RPRD1A: variants seen among roughly 807,000 people sequenced by gnomAD.
The protein encoded by RPRD1A is regulation of nuclear pre-mRNA domain-containing protein 1A.
RPRD1A carries 9 observed loss-of-function variants against 37.8 expected under a neutral mutation model. The ratio of observed to expected loss-of-function variants is 0.24; its 90% CI spans 0.14 to 0.42. The LOEUF (loss-of-function observed/expected upper bound fraction) is 0.42, where lower values mean the gene tolerates loss of function less well. RPRD1A is among the 10% of genes least tolerant of loss of function. The probability of loss-of-function intolerance (pLI) is 1.00; values close to 1 mark genes in which losing one functional copy is unlikely to be tolerated. For missense variants in RPRD1A, 255 were observed against 371.0 expected (o/e 0.69, Z 2.57); for synonymous variants, 138 against 139.7 (o/e 0.99, Z 0.08).
intron 6 of RPRD1A, among the ~76,000 whole-genome samples, chr18:36,018,439 A>G (rs1001791004): frequency 2.0e-5 from 3 of 151,734 alleles, no homozygotes; most frequent in African/African-American, 4.8e-5. Flanking sequence ...ACGCCCAACT[A>G]ATTTTTTCTA....
At chr18:36,043,896 T>C (rs573740904) in intron 1 of RPRD1A, among the ~76,000 whole-genome samples, 1 of 152,302 alleles carries the variant, frequency 6.6e-6, no homozygotes, top group African/African-American at 2.4e-5. Context: ...AAAAAACCCA[T>C]GTATAACTTC....
chr18:36,042,689 G>C (rs866618840), intron 1 of RPRD1A, among the ~76,000 whole-genome samples: 26 of 152,040 alleles, frequency 1.7e-4, no homozygotes, highest in Non-Finnish European at 3.2e-4. Flanking sequence ...ATGTGCACAG[G>C]AAGTACAAAG....
chr18:36,053,865 C>A (rs1913572627), intron 1 of RPRD1A, among the ~76,000 whole-genome samples: 1 of 151,644 alleles, frequency 6.6e-6, no homozygotes, highest in Admixed American at 6.6e-5. Context: ...AAAACAACAA[C>A]AAAAAAAGCT....
chr18:36,029,752 C>T (rs1320132260), intron 4 of RPRD1A, among the ~76,000 whole-genome samples: 1 of 151,548 alleles, frequency 6.6e-6, no homozygotes, highest in East Asian at 1.9e-4. Context: ...CACAGAATTA[C>T]ATAGTTCTAT....
rs1470432897 is a variant in RPRD1A, at chr18:36,049,688, A to G, written c.152-15851T>C. ...AATGATTCTGCTGTATGTATACACT[A>G]CATTATGTTTATTCATTTATCTGTT... is the stretch of plus-strand genomic sequence containing the variant. On this transcript the variant is annotated intron_variant, in intron 1 of 6. Coordinates refer to ENST00000399022, the MANE Select transcript of RPRD1A (RefSeq NM_018170.5). Among the ~76,000 whole-genome samples the G allele has an allele frequency of 2.0e-5, 3 of 152,206 alleles. No individual in the cohort carries two copies. The East Asian group carries it at 5.8e-4, about 29-fold the overall frequency.
At chr18:36,050,560 A>T (rs1422454718) in intron 1 of RPRD1A, among the ~76,000 whole-genome samples, 1 of 152,218 alleles carries the variant, frequency 6.6e-6, no homozygotes, top group East Asian at 1.9e-4. Context: ...AAAACAACTC[A>T]ATTCAAAACA....
intron 4 of RPRD1A, among the ~76,000 whole-genome samples, chr18:36,030,047 C>G (rs931996733): frequency 6.6e-6 from 1 of 151,242 alleles, no homozygotes; most frequent in Admixed American, 6.6e-5. Flanking sequence ...ACCTCATGAT[C>G]CGACCACCTT....
At position 36,067,390 on chromosome 18, in the gene RPRD1A, A is replaced by G. The variant is rs779588997; in HGVS notation, c.15T>C (p.Ser5=). The change falls in exon 1 of 7, where the codon TCT becomes TCC. Residue 5 remains serine, a synonymous_variant. Transcript: ENST00000399022. The part of the protein sequence containing the change: MSAF[S]EAALEKKLSE... ...ACAGCTTCTTCTCCAGCGCCGCCTC[A>G]GAGAAGGCTGACATCCCTCCGACAC... is the stretch of plus-strand genomic sequence containing the variant. 1.9e-6 allele frequency: 3 copies of G among 1,607,356 alleles called. No homozygotes were observed. Among genetic ancestry groups the G allele is most frequent in the Non-Finnish European group, 2.5e-6 (3 of 1,177,104 alleles).
At chr18:36,005,313 A>G (rs1909680805) in intron 6 of RPRD1A, among the ~76,000 whole-genome samples, 1 of 152,126 alleles carries the variant, frequency 6.6e-6, no homozygotes, top group Non-Finnish European at 1.5e-5. Flanking sequence ...AAAAAATAAA[A>G]TAAAAAAAAA....
Position 36,008,569 on chromosome 18 carries a change from T to TATATATATATA in RPRD1A, c.790-15270_790-15269insTATATATATAT, listed in dbSNP as rs1555670660. ...CTAGCCTGGGCGACACAGCAAGACC[T>TATATATATATA]TGTGTGTGTATATATATATATCTTT... On this transcript the variant is annotated intron_variant, in intron 6 of 6. Coordinates refer to ENST00000399022, the MANE Select transcript of RPRD1A (RefSeq NM_018170.5). 4.8e-4 allele frequency among the ~76,000 whole-genome samples: 27 copies of TATATATATATA among 56,068 alleles called. 1 individual carries two copies. The highest frequency in any genetic ancestry group is 1.6e-3 in the African/African-American group (11 of 6,894). The allele number at this position is 56,068 out of a possible 152,430, so 36.8% of individuals were successfully genotyped here.
chr18:35,995,458 G>C (rs1041150825), intron 6 of RPRD1A, among the ~76,000 whole-genome samples: 3 of 151,720 alleles, frequency 2.0e-5, no homozygotes, highest in Admixed American at 1.3e-4. Flanking sequence ...AGTAGAGATG[G>C]GGTTTCTCCA....
rs565289808 is a variant in RPRD1A at position 36,007,905 on chromosome 18, T to A, written c.790-14605A>T. Among the ~76,000 whole-genome samples the A allele has an allele frequency of 3.9e-3, 594 of 152,202 alleles. 2 individuals carry two copies. Among genetic ancestry groups the A allele is most frequent in the Middle Eastern group, 0.01 (3 of 294 alleles). On this transcript the variant is annotated intron_variant, in intron 6 of 6. Transcript: ENST00000399022. ...GTGAGCCGAGATCGCGCCACTGCAC[T>A]ACAGCCTGGGCGACAGAGTGAGACT...
At chr18:36,029,331 C>T (rs1054966310) in intron 4 of RPRD1A, among the ~76,000 whole-genome samples, 4 of 152,158 alleles carry the variant, frequency 2.6e-5, no homozygotes, top group Admixed American at 2.6e-4. Context: ...GAATTTGGAA[C>T]CAGTCCTCTA....
chr18:36,032,412 A>G (rs995751726), intron 2 of RPRD1A, among the ~76,000 whole-genome samples: 5 of 152,236 alleles, frequency 3.3e-5, no homozygotes, highest in Non-Finnish European at 5.9e-5. Flanking sequence ...TGTAGACTAT[A>G]GACTGTGTGG....
intron 6 of RPRD1A, among the ~76,000 whole-genome samples, chr18:36,009,200 A>G (rs1419395242): frequency 6.6e-6 from 1 of 152,122 alleles, no homozygotes; most frequent in East Asian, 1.9e-4. Context: ...TTGGGCCGTC[A>G]GTAGGATGGA....
chr18:36,058,332 C>T (rs574840334), intron 1 of RPRD1A, among the ~76,000 whole-genome samples: 1 of 152,172 alleles, frequency 6.6e-6, no homozygotes, highest in African/African-American at 2.4e-5. Context: ...CAGGCATGAG[C>T]CACTGCGCCC....
At chr18:36,057,256 C>A (rs1327524581) in intron 1 of RPRD1A, among the ~76,000 whole-genome samples, 2 of 132,770 alleles carry the variant, frequency 1.5e-5, no homozygotes, top group South Asian at 4.6e-4. Flanking sequence ...ATATATATAT[C>A]ACACACACAC....
rs370498844 is a variant in RPRD1A, at chr18:36,015,636, C to G, written c.789+11264G>C. Among the ~76,000 whole-genome samples, 121 of 152,220 alleles carry G rather than the reference C, an allele frequency of 7.9e-4. 2 individuals carry two copies. In the South Asian group the frequency reaches 0.024, roughly 30 times the overall value. On this transcript the variant is annotated intron_variant, in intron 6 of 6. Coordinates refer to ENST00000399022, the MANE Select transcript of RPRD1A (RefSeq NM_018170.5). ...ATACATTCAATGGATTACTATTCGG[C>G]CTTAAAAAGGAAGGAAATTCTGACA...
chr18:36,017,764 G>A (rs1428653315), intron 6 of RPRD1A, among the ~76,000 whole-genome samples: 1 of 152,136 alleles, frequency 6.6e-6, no homozygotes, highest in Non-Finnish European at 1.5e-5. Flanking sequence ...AGGCACAAAG[G>A]GCAATAGAGT....
Sources: allele counts gnomAD v4.1 joint callset (sites outside exome capture counted in the v4.1 genomes callset), GRCh38; gene constraint gnomAD v4.1.1; transcripts MANE v1.5; gene names NCBI Gene and HGNC (gene_info 2026-07-23, HGNC 2026-07-21).